MYO18B: variants seen among roughly 807,000 people sequenced by gnomAD.
The protein encoded by MYO18B is myosin XVIIIB.
Under a neutral mutation model 273.0 loss-of-function variants are expected in MYO18B, and 204 were observed. The observed-to-expected ratio is 0.75, with a 90% confidence interval of 0.67 to 0.84. The LOEUF is 0.84. MYO18B is among the 40% of genes least tolerant of loss of function. The pLI is 0.00. For missense variants in MYO18B, 3,212 were observed against 3,287.6 expected (o/e 0.98, Z 0.56); for synonymous variants, 1,330 against 1,305.7 (o/e 1.02, Z -0.40).
intron 23 of MYO18B, among the ~76,000 whole-genome samples, 186 bp from the exon 24 acceptor site, chr22:25,876,003 C>CGTGTGTGTGTGTGTGTGT (rs4049349): frequency 7.1e-5 from 10 of 140,012 alleles, no homozygotes; most frequent in African/African-American, 2.7e-4. Flanking sequence ...AAAGGAAGCC[C>CGTGTGTGTGTGTGTGTGT]GTGTGTGTGT....
At chr22:26,033,539 A>G (rs1189506712), downstream of MYO18B, among the ~76,000 whole-genome samples, 2 of 152,228 alleles carry the variant, frequency 1.3e-5, no homozygotes, top group Non-Finnish European at 2.9e-5. Context: ...GTTAATTTCA[A>G]GTAATAACAG....
intron 34 of MYO18B, among the ~76,000 whole-genome samples, chr22:25,930,621 A>G (rs2092485448): frequency 6.6e-6 from 1 of 151,378 alleles, no homozygotes; most frequent in Non-Finnish European, 1.5e-5. Flanking sequence ...ACAGGCATGC[A>G]CCACCACACC....
rs1464237973 is a variant in MYO18B, at chr22:26,026,559, C to T, written c.6585C>T (p.His2195=). The T allele has an allele frequency of 1.2e-6, 2 of 1,613,916 alleles. No homozygotes were observed. Among genetic ancestry groups the T allele is most frequent in the Non-Finnish European group, 1.7e-6 (2 of 1,179,880 alleles). ...KTSGDKPVSP[H]FVRRQKYCHF... is the part of the protein sequence containing the mutation. ...CAGGAGACAAGCCTGTTTCTCCCCACTTTGTCCGCCGGCAAAAGTACTGTC... is the reference window on the plus strand; with the variant it reads ...CAGGAGACAAGCCTGTTTCTCCCCATTTTGTCCGCCGGCAAAAGTACTGTC... Residue 2195 remains histidine (H), a synonymous_variant, in exon 43 of 44, where the codon CAC becomes CAT. Transcript: ENST00000335473.
chr22:25,881,449 GGCA>G (rs1363402443), intron 25 of MYO18B, among the ~76,000 whole-genome samples: 1 of 152,238 alleles, frequency 6.6e-6, no homozygotes, highest in Non-Finnish European at 1.5e-5. Context: ...CTCTCTTGCT[GGCA>G]GCAACAATGA....
chr22:26,002,776 A>G (rs1457526481), intron 40 of MYO18B, among the ~76,000 whole-genome samples: 1 of 149,240 alleles, frequency 6.7e-6, no homozygotes, highest in East Asian at 2.0e-4. Flanking sequence ...TGGGTAGCAT[A>G]TTTGTTGAAT....
chr22:25,747,725 T>G (rs1261568924), intron 1 of MYO18B, among the ~76,000 whole-genome samples: 1 of 152,228 alleles, frequency 6.6e-6, no homozygotes, highest in Non-Finnish European at 1.5e-5. Flanking sequence ...GCAAAGCATT[T>G]GAAGATTTTA....
At chr22:25,785,290 T>C in intron 10 of MYO18B, 138 bp from the exon 11 acceptor site, 1 of 698,274 alleles carries the variant, frequency 1.4e-6, no homozygotes. Context: ...GCAGAGTTAG[T>C]GGGGCCAAGG....
chr22:25,903,654 G>A lies in MYO18B; in HGVS notation c.4971G>A (p.Gln1657=). The part of the protein sequence containing the change: ...QLKQKEQEAS[Q]LKQQVEMLQD... Reference sequence around the variant, plus strand: ...AGCAAAAGGAGCAGGAAGCCTCACAGCTGAAGCAGCAGGTGGAGATGCTAC... The same window carrying A: ...AGCAAAAGGAGCAGGAAGCCTCACAACTGAAGCAGCAGGTGGAGATGCTAC... Residue 1657 remains glutamine (Q), a synonymous_variant, in exon 31 of 44, where the codon CAG becomes CAA. Transcript: ENST00000335473. 6.2e-7 allele frequency: 1 copy of A among 1,608,098 alleles called. No individual in the cohort carries two copies. Among genetic ancestry groups the A allele is most frequent in the Non-Finnish European group, 8.5e-7 (1 of 1,177,186 alleles).
In MYO18B at chr22:25,747,116, C is replaced by T. The variant is rs370817117; in HGVS notation, c.-110+4823C>T. Among the ~76,000 whole-genome samples the T allele has an allele frequency of 7.9e-5, 12 of 151,772 alleles. No homozygotes were observed. The South Asian group carries it at 1.3e-3, about 16-fold the overall frequency. On this transcript the variant is annotated intron_variant, in intron 1 of 43. Coordinates refer to ENST00000335473, the MANE Select transcript of MYO18B (RefSeq NM_032608.7). ...CAGCCTGGGCAACAGAGTGAGACTC[C>T]GCTTCAAAAAAAGAAAGAAAGAAAA...
intron 7 of MYO18B, among the ~76,000 whole-genome samples, chr22:25,774,910 A>C (rs889685291): frequency 3.3e-5 from 5 of 152,348 alleles, no homozygotes; most frequent in South Asian, 4.1e-4. Context: ...CTCTGTGTGC[A>C]GAGCCCGCCG....
At chr22:25,843,540 C>G (rs1569098693) in intron 17 of MYO18B, among the ~76,000 whole-genome samples, 195 bp from the exon 18 acceptor site, 1 of 152,126 alleles carries the variant, frequency 6.6e-6, no homozygotes, top group Non-Finnish European at 1.5e-5. Flanking sequence ...TTTAAGAAAG[C>G]AAGAAAGAAT....
At chr22:25,792,424 C>A (rs1389726129) in intron 11 of MYO18B, among the ~76,000 whole-genome samples, 1 of 151,128 alleles carries the variant, frequency 6.6e-6, no homozygotes, top group East Asian at 2.0e-4. Flanking sequence ...ACCTGTCCTG[C>A]CCTCCCTGCA....
chr22:25,973,532 T>C (rs2093057639), intron 39 of MYO18B, among the ~76,000 whole-genome samples: 1 of 152,238 alleles, frequency 6.6e-6, no homozygotes, highest in African/African-American at 2.4e-5. Context: ...CTATAACATA[T>C]ATGAATACCC....
chr22:25,948,745 C>G (rs981747702), intron 36 of MYO18B, among the ~76,000 whole-genome samples: 2 of 151,946 alleles, frequency 1.3e-5, no homozygotes, highest in African/African-American at 2.4e-5. Flanking sequence ...CTGGGAAGAC[C>G]TTATCATATG....
intron 34 of MYO18B, among the ~76,000 whole-genome samples, chr22:25,940,493 A>G (rs183518541): frequency 2.2e-4 from 34 of 152,350 alleles, no homozygotes; most frequent in African/African-American, 7.9e-4. Context: ...ACAGACTAAT[A>G]CGCATGGGAA....
chr22:25,808,770 A>G (rs1334907243), intron 12 of MYO18B, among the ~76,000 whole-genome samples: 1 of 152,188 alleles, frequency 6.6e-6, no homozygotes. Flanking sequence ...CAATGTCCTC[A>G]TCTGTAAAGT....
At chr22:25,775,494 G>T (rs539574449) in intron 7 of MYO18B, among the ~76,000 whole-genome samples, 41 of 152,294 alleles carry the variant, frequency 2.7e-4, no homozygotes, top group African/African-American at 9.4e-4. Flanking sequence ...TCCTGCAGCA[G>T]GGCCCATTCC....
At chr22:25,889,672 A>C (rs16980985) in intron 25 of MYO18B, among the ~76,000 whole-genome samples, 32,667 of 151,550 alleles carry the variant, frequency 0.22, 4,029 homozygotes, top group Admixed American at 0.37. Flanking sequence ...CTCCACTAAT[A>C]TATTTCTCCC....
chr22:25,896,085 C>A (rs1258619150), intron 28 of MYO18B, among the ~76,000 whole-genome samples: 1 of 152,078 alleles, frequency 6.6e-6, no homozygotes, highest in East Asian at 1.9e-4. Flanking sequence ...CTAGAAGAAA[C>A]CCTTTTTCAC....
Sources: gnomAD v4.1 joint callset for allele counts (sites outside exome capture counted in the v4.1 genomes callset) on GRCh38, gnomAD v4.1.1 for gene constraint, MANE v1.5 for transcripts, NCBI Gene and HGNC (gene_info 2026-07-23, HGNC 2026-07-21) for gene names.